RMDN2: variants seen among roughly 807,000 people sequenced by gnomAD.
RMDN2 encodes the protein regulator of microtubule dynamics 2.
A neutral mutation model predicts 52.8 loss-of-function variants in RMDN2; 61 were observed. That is an observed-to-expected ratio of 1.16 (90% CI 0.94 to 1.43). The LOEUF is 1.43. RMDN2 is among the 40% of genes most tolerant of loss of function. The pLI is 0.00. For synonymous variants in RMDN2, 180 were observed against 153.1 expected (o/e 1.18, Z -1.30); for missense variants, 592 against 475.3 (o/e 1.25, Z -2.28).
chr2:37,989,468 G>A, intron 5 of RMDN2, 73 bp from the exon 6 acceptor site: 2 of 906,090 alleles, frequency 2.2e-6, no homozygotes, highest in Non-Finnish European at 3.6e-6. Flanking sequence ...TTCTTTTAAT[G>A]TTATGTTTTG....
intron 2 of RMDN2, among the ~76,000 whole-genome samples, chr2:37,966,219 C>G (rs1026977246): frequency 1.3e-5 from 2 of 152,028 alleles, no homozygotes; most frequent in Non-Finnish European, 2.9e-5. Context: ...CAAATCGAGA[C>G]CATCCTGGCT....
chr2:37,981,865 G>T (rs185723033), intron 5 of RMDN2, among the ~76,000 whole-genome samples: 1 of 151,750 alleles, frequency 6.6e-6, no homozygotes, highest in Non-Finnish European at 1.5e-5. Context: ...TGGACCCTTT[G>T]TATGTTTATG....
intron 8 of RMDN2, among the ~76,000 whole-genome samples, chr2:37,999,819 C>T (rs556631160): frequency 6.6e-6 from 1 of 152,028 alleles, no homozygotes; most frequent in African/African-American, 2.4e-5. Context: ...CAGCTGGATC[C>T]CGTAGAGGTT....
intron 2 of RMDN2, among the ~76,000 whole-genome samples, chr2:37,933,244 T>G (rs1666989537): frequency 6.9e-6 from 1 of 144,520 alleles, no homozygotes; most frequent in Non-Finnish European, 1.5e-5. Flanking sequence ...CCTCACTTCC[T>G]AGATGGGATG....
chr2:37,923,529 T>C (rs1666090641), upstream of RMDN2, among the ~76,000 whole-genome samples: 1 of 152,228 alleles, frequency 6.6e-6, no homozygotes, highest in Non-Finnish European at 1.5e-5. Context: ...GAAGAGACAG[T>C]CATGTTTCTT....
At chr2:37,931,685 T>A (rs983504152) in intron 2 of RMDN2, among the ~76,000 whole-genome samples, 1 of 152,230 alleles carries the variant, frequency 6.6e-6, no homozygotes, top group Admixed American at 6.5e-5. Flanking sequence ...AAGAAGATAA[T>A]TATGGGACTT....
chr2:37,942,302 G>A (rs963269705), intron 2 of RMDN2, among the ~76,000 whole-genome samples: 5 of 152,132 alleles, frequency 3.3e-5, no homozygotes, highest in Admixed American at 1.3e-4. Context: ...ACCCTTCTGC[G>A]TTGGTCTTGC....
At chr2:38,009,072 C>A (rs4258774) in intron 10 of RMDN2, among the ~76,000 whole-genome samples, 88,043 of 152,066 alleles carry the variant, frequency 0.58, 26,890 homozygotes, top group East Asian at 0.89. Flanking sequence ...GCTGAGAGAT[C>A]AGCTGTTAGT....
At chr2:37,954,559 A>C (rs78154637) in intron 2 of RMDN2, among the ~76,000 whole-genome samples, 1,825 of 152,112 alleles carry the variant, frequency 0.012, 34 homozygotes, top group African/African-American at 0.042. Context: ...CAGCCTATAC[A>C]TCTGTCTTTA....
chr2:38,031,778 C>A (rs1400618982), intron 10 of RMDN2, among the ~76,000 whole-genome samples: 2 of 152,188 alleles, frequency 1.3e-5, no homozygotes, highest in African/African-American at 2.4e-5. Context: ...AGTTTCAAGG[C>A]TGAGCATGCT....
intron 2 of RMDN2, among the ~76,000 whole-genome samples, chr2:37,970,391 A>G (rs1461400389): frequency 1.3e-5 from 2 of 152,126 alleles, no homozygotes; most frequent in Non-Finnish European, 2.9e-5. Flanking sequence ...TATAATCTCA[A>G]TTTGGTTGTA....
intron 8 of RMDN2, among the ~76,000 whole-genome samples, chr2:38,000,200 A>G (rs757633829): frequency 2.6e-5 from 4 of 152,032 alleles, no homozygotes; most frequent in Non-Finnish European, 4.4e-5. Flanking sequence ...CATGCTTCCC[A>G]CCTCATCCAA....
intron 2 of RMDN2, among the ~76,000 whole-genome samples, chr2:37,963,901 G>GGA: frequency 8.2e-6 from 1 of 121,230 alleles, no homozygotes; most frequent in Non-Finnish European, 2.0e-5. Flanking sequence ...GCGGGGCAGA[G>GGA]GCGCCCCCCC....
At chr2:37,975,910 A>G (rs1366311549) in intron 4 of RMDN2, among the ~76,000 whole-genome samples, 1 of 152,204 alleles carries the variant, frequency 6.6e-6, no homozygotes, top group East Asian at 1.9e-4. Context: ...CTTAAATTTC[A>G]TCTTTTAACT....
chr2:37,946,143 T>C (rs963834114), intron 2 of RMDN2, among the ~76,000 whole-genome samples: 1 of 152,236 alleles, frequency 6.6e-6, no homozygotes, highest in African/African-American at 2.4e-5. Flanking sequence ...TTAATAGCGT[T>C]ATAGAACTGA....
rs1417448007 is a variant in RMDN2 at position 38,004,200 on chromosome 2, C to T, written c.1163C>T (p.Pro388Leu). The stretch of plus-strand genomic sequence containing the variant: ...TTCTGTAATTTGGCTTTATTGCTTC[C>T]TACTGTTACCAAAGAGGTAAGTCCA... ...LKFCNLALLL[P>L]TVTKEDKEAQ... The change falls in exon 10 of 11, where the codon CCT becomes CTT. Residue 388 changes from proline to leucine, a missense_variant. Transcript: ENST00000354545. 2 of 1,613,202 alleles carry T rather than the reference C, an allele frequency of 1.2e-6. No homozygotes were observed. The highest frequency in any genetic ancestry group is 1.7e-6 in the Non-Finnish European group (2 of 1,179,448).
chr2:37,971,481 C>T (rs1671802164), intron 2 of RMDN2, among the ~76,000 whole-genome samples: 1 of 152,218 alleles, frequency 6.6e-6, no homozygotes, highest in South Asian at 2.1e-4. Flanking sequence ...ATATATTCGT[C>T]TGTATTTTGT....
At chr2:37,977,123 T>G (rs1572899622) in intron 4 of RMDN2, among the ~76,000 whole-genome samples, 2 of 152,220 alleles carry the variant, frequency 1.3e-5, no homozygotes, top group South Asian at 4.1e-4. Context: ...ATTTAACCCT[T>G]AGTGGACACA....
chr2:38,004,523 C>T (rs1446135462), intron 10 of RMDN2, among the ~76,000 whole-genome samples: 1 of 152,000 alleles, frequency 6.6e-6, no homozygotes, highest in African/African-American at 2.4e-5. Context: ...TTCAAATATA[C>T]AATACAGTAT....
Sources: allele counts gnomAD v4.1 joint callset (sites outside exome capture counted in the v4.1 genomes callset), GRCh38; gene constraint gnomAD v4.1.1; transcripts MANE v1.5; gene names NCBI Gene and HGNC (gene_info 2026-07-23, HGNC 2026-07-21).